Variants in CRLF1 observed in about 807,000 individuals in gnomAD.
CRLF1 encodes cytokine receptor like factor 1.
Under a neutral mutation model 48.9 loss-of-function variants are expected in CRLF1, and 36 were observed. The observed-to-expected ratio is 0.74, with a 90% CI of 0.56 to 0.97. The LOEUF (loss-of-function observed/expected upper bound fraction) is 0.97, where lower values mean the gene tolerates loss of function less well. Ranked by LOEUF, CRLF1 falls within the 50% of genes least tolerant of loss-of-function variation. The pLI, the probability that CRLF1 is intolerant of heterozygous loss-of-function variation, is 0.00. For synonymous variants in CRLF1, 256 were observed against 253.4 expected, an observed-to-expected ratio of 1.01 and a Z score of -0.10; for missense variants, 534 against 575.1, an observed-to-expected ratio of 0.93 and a Z score of 0.73.
In CRLF1 at chr19:18,606,373, G is replaced by C. The variant is rs1010259934; in HGVS notation, c.115+169C>G. ...CAGGACTCTCTGGACAGTGGACTGC[G>C]GCGCCGTGTGCCCCGCAGGTGAGGG... On this transcript the variant is annotated intron_variant, in intron 1 of 8. Coordinates refer to ENST00000392386, the MANE Select transcript of CRLF1 (RefSeq NM_004750.5). This position sits in a 1 kb window ranked among gnomAD's most constrained non-coding sequence, Gnocchi z 4.8. 9.0e-4 allele frequency among the ~76,000 whole-genome samples: 136 copies of C among 151,260 alleles called. 2 individuals carry two copies. Among genetic ancestry groups the C allele is most frequent in the African/African-American group, 3.0e-3 (126 of 41,314 alleles).
In CRLF1 at chr19:18,599,689, G is replaced by A. The variant is rs1361410454; in HGVS notation, c.273C>T (p.Leu91=). The change falls in exon 2 of 9, where the codon CTC becomes CTT. Residue 91 remains leucine (L), a synonymous_variant. Transcript: ENST00000392386. ...RRLPPELSRV[L]NASTLALALA... is the part of the protein sequence containing the mutation. ...GGGCCAGAGCCAAGGTGGAGGCGTT[G>A]AGTACACGGGAGAGCTCAGGGGGCA... The A allele has an allele frequency of 1.2e-6, 2 of 1,612,386 alleles. No homozygotes were observed. Among genetic ancestry groups the A allele is most frequent in the Non-Finnish European group, 8.5e-7 (1 of 1,179,420 alleles).
chr19:18,596,602 A>G lies in CRLF1; in HGVS notation c.1024+20T>C. 1 of 1,611,106 alleles carries G rather than the reference A, an allele frequency of 6.2e-7. No homozygotes were observed. Among genetic ancestry groups the G allele is most frequent in the Non-Finnish European group, 8.5e-7 (1 of 1,177,644 alleles). On this transcript the variant is annotated intron_variant, in intron 6 of 8. Transcript: ENST00000392386. ...TTTCGGACTGGCCGCTGGATCACCC[A>G]GCCCTAGGAGGGTGCTCACCACTGC...
intron 1 of CRLF1, among the ~76,000 whole-genome samples, chr19:18,604,202 G>A (rs1457765162): frequency 1.3e-5 from 2 of 152,130 alleles, no homozygotes; most frequent in Admixed American, 6.5e-5. Flanking sequence ...TGCCACACCC[G>A]CCTGGCCTGG....
chr19:18,594,029 T>TTCTGGGG, intron 8 of CRLF1, 36 bp downstream of exon 8: 1 of 1,366,640 alleles, frequency 7.3e-7, no homozygotes. Context: ...GCCCTCCCCT[T>TTCTGGGG]GCTCCCTCCC....
At position 18,593,532 on chromosome 19, in the gene CRLF1, A is replaced by T; in HGVS notation, c.*34T>A. On this transcript the variant is annotated 3_prime_UTR_variant, in exon 9 of 9. Coordinates refer to ENST00000392386, the MANE Select transcript of CRLF1 (RefSeq NM_004750.5). ...GTTTGGGTTCGGCCTCTGCGTCTCC[A>T]CGTGGCAGGGAGGGTGGCCTGAGCC... The T allele has an allele frequency of 6.2e-7, 1 of 1,610,016 alleles. No individual in the cohort carries two copies. The highest frequency in any genetic ancestry group is 8.5e-7 in the Non-Finnish European group (1 of 1,178,674).
In CRLF1 at chr19:18,606,287, G is replaced by A. The variant is rs1030554207; in HGVS notation, c.115+255C>T. ...TCAGGCCGCGATCCCCCCAGCCCCC[G>A]GGGGCCTGGCCTGGCGCCCTCGGCC... On this transcript the variant is annotated intron_variant, in intron 1 of 8. Transcript: ENST00000392386. This position sits in a 1 kb window ranked among gnomAD's most constrained non-coding sequence, Gnocchi z 4.8. 6.6e-6 allele frequency among the ~76,000 whole-genome samples: 1 copy of A among 151,716 alleles called. No homozygotes were observed. Among genetic ancestry groups the A allele is most frequent in the Non-Finnish European group, 1.5e-5 (1 of 67,804 alleles).
At chr19:18,604,888 T>C (rs1481133707) in intron 1 of CRLF1, among the ~76,000 whole-genome samples, 1 of 152,172 alleles carries the variant, frequency 6.6e-6, no homozygotes, top group Admixed American at 6.6e-5. Flanking sequence ...ACTGCCGTTA[T>C]TAAAAAGGAA....
At chr19:18,597,678 C>T (rs932436573) in intron 4 of CRLF1, among the ~76,000 whole-genome samples, 14 of 152,042 alleles carry the variant, frequency 9.2e-5, no homozygotes, top group South Asian at 2.1e-4. Context: ...GTGATCCGCC[C>T]GCCTCGGCCT....
chr19:18,594,331 C>T lies in CRLF1; in HGVS notation c.1128G>A (p.Lys376=), dbSNP rs1431365349. ...AGCTGAGGTTGGAGCAGTACGCGTGCTTCTTGAGCCAGCCCAGGAACTGCT... is the reference window on the plus strand; with the variant it reads ...AGCTGAGGTTGGAGCAGTACGCGTGTTTCTTGAGCCAGCCCAGGAACTGCT... ...ELKQFLGWLK[K]HAYCSNLSFR... Residue 376 remains lysine (K), a synonymous_variant, in exon 7 of 9, where the codon AAG becomes AAA. Transcript: ENST00000392386. 1 of 1,612,408 alleles carries T rather than the reference C, an allele frequency of 6.2e-7. No homozygotes were observed. The highest frequency in any genetic ancestry group is 8.5e-7 in the Non-Finnish European group (1 of 1,179,818).
At chr19:18,599,883 G>A in intron 1 of CRLF1, 37 bp from the exon 2 acceptor site, 1 of 1,482,148 alleles carries the variant, frequency 6.7e-7, no homozygotes, top group Admixed American at 2.6e-5. Flanking sequence ...GGCCAGGGCG[G>A]GGACCCTCCA....
intron 1 of CRLF1, among the ~76,000 whole-genome samples, chr19:18,603,860 G>A (rs2872600): frequency 0.054 from 8,199 of 151,050 alleles, 302 homozygotes; most frequent in Non-Finnish European, 0.084. Flanking sequence ...CCGGCTGAGC[G>A]GGCCAGAGCC....
intron 8 of CRLF1, 33 bp downstream of exon 8, chr19:18,594,032 T>TTGCCC: frequency 1.3e-5 from 9 of 695,812 alleles, no homozygotes; most frequent in Non-Finnish European, 1.8e-5. Context: ...CTCCCCTTGC[T>TTGCCC]CCCTCCCGCC....
Position 18,606,472 on chromosome 19 carries a change from C to A in CRLF1, c.115+70G>T, listed in dbSNP as rs931760531. The A allele has an allele frequency of 3.7e-6, 4 of 1,071,492 alleles. No individual in the cohort carries two copies. The South Asian group carries it at 1.3e-4, about 36-fold the overall frequency. The allele number at this position is 1,071,492 out of a possible 1,614,324, so 66.4% of individuals were successfully genotyped here. A position where few individuals can be genotyped will look rare whatever the true frequency, so the allele number is the denominator to read the frequency against. ...CAGGTGGCGCCCGCGCCCCCTCCCC[C>A]CGCGGCTGCCCCCGGGGCGCCCGCC... is the stretch of plus-strand genomic sequence containing the variant. On this transcript the variant is annotated intron_variant, in intron 1 of 8. Coordinates refer to ENST00000392386, the MANE Select transcript of CRLF1 (RefSeq NM_004750.5). The surrounding 1 kb of genome is among the most constrained non-coding windows in gnomAD (Gnocchi z 4.8).
Position 18,594,344 on chromosome 19 carries a change from C to G in CRLF1, c.1115G>C (p.Gly372Ala). 6.2e-7 allele frequency: 1 copy of G among 1,612,140 alleles called. No individual in the cohort carries two copies. The change falls in exon 7 of 9, where the codon GGC (glycine) becomes GCC (alanine). Residue 372 changes from glycine (G) to alanine (A), a missense_variant. Coordinates refer to ENST00000392386, the MANE Select transcript of CRLF1 (RefSeq NM_004750.5). ...GCAGTACGCGTGCTTCTTGAGCCAG[C>G]CCAGGAACTGCTTGAGCTCGCGCCG... ...PVRRELKQFL[G>A]WLKKHAYCSN...
rs1976099111 is a variant in CRLF1, at chr19:18,594,267, A to G, written c.1192T>C (p.Ser398Pro). The G allele has an allele frequency of 1.2e-6, 2 of 1,610,588 alleles. No individual in the cohort carries two copies. The highest frequency in any genetic ancestry group is 1.7e-5 in the Admixed American group (1 of 59,826). Residue 398 changes from serine (S) to proline (P), a missense_variant, in exon 7 of 9, where the codon TCG becomes CCG. Transcript: ENST00000392386. ...CCTACCTGGTTGCGGGTCTTGTGCGACTTCTGCATCCAGGCTCGCCACTGG... is the reference window on the plus strand; with the variant it reads ...CCTACCTGGTTGCGGGTCTTGTGCGGCTTCTGCATCCAGGCTCGCCACTGG... ...YDQWRAWMQK[S>P]HKTRNQDEGI...
In CRLF1 at chr19:18,598,609, G is replaced by C; in HGVS notation, c.528-8C>G. ...TTGTCCTGGCCATACCACCTGCGGG[G>C]ATGGGAGGGCGACAGGACGCATGAG... On this transcript the variant is annotated splice_region_variant and splice_polypyrimidine_tract_variant and intron_variant, in intron 3 of 8. Coordinates refer to ENST00000392386, the MANE Select transcript of CRLF1 (RefSeq NM_004750.5). 6.2e-7 allele frequency: 1 copy of C among 1,614,026 alleles called. No individual in the cohort carries two copies. Among genetic ancestry groups the C allele is most frequent in the Non-Finnish European group, 8.5e-7 (1 of 1,179,974 alleles).
At chr19:18,594,208 C>G (rs764871152) in intron 7 of CRLF1, 39 bp downstream of exon 7, 3 of 1,611,964 alleles carry the variant, frequency 1.9e-6, no homozygotes, top group Non-Finnish European at 2.5e-6. Flanking sequence ...CCCCAGCTCC[C>G]TGTCCCCACC....
At chr19:18,603,980 C>G (rs554972664) in intron 1 of CRLF1, among the ~76,000 whole-genome samples, 19 of 152,322 alleles carry the variant, frequency 1.2e-4, no homozygotes, top group African/African-American at 4.6e-4. Flanking sequence ...TGCATGAACT[C>G]GGGTGTGCCA....
At chr19:18,597,722 G>A (rs931181148) in intron 4 of CRLF1, among the ~76,000 whole-genome samples, 1 of 151,862 alleles carries the variant, frequency 6.6e-6, no homozygotes, top group Non-Finnish European at 1.5e-5. Flanking sequence ...GTGAGCCACC[G>A]CGCCCGGCCC....
Sources: allele counts gnomAD v4.1 joint callset (sites outside exome capture counted in the v4.1 genomes callset), GRCh38; gene constraint gnomAD v4.1.1; non-coding constraint Gnocchi (gnomAD v3.1); transcripts MANE v1.5; gene names NCBI Gene and HGNC (gene_info 2026-07-23, HGNC 2026-07-21).